PHF7: variants seen among roughly 807,000 people sequenced by gnomAD.
PHF7 encodes PHD finger protein 7.
In PHF7, 24 loss-of-function variants were observed where a neutral mutation model predicts 47.5. The observed-to-expected ratio is 0.51, with a 90% CI of 0.37 to 0.71. PHF7 has a LOEUF of 0.71. PHF7 is among the 30% of genes least tolerant of loss of function. The probability of loss-of-function intolerance (pLI) is 0.00; values close to 1 mark genes in which losing one functional copy is unlikely to be tolerated. For synonymous variants in PHF7, 156 were observed against 153.8 expected (o/e 1.01, Z -0.11); for missense variants, 361 against 456.8 (o/e 0.79, Z 1.91).
chr3:52,414,000 T>C lies in PHF7; in HGVS notation c.46T>C (p.Ser16Pro), dbSNP rs139713041. 8.1e-6 allele frequency: 13 copies of C among 1,604,914 alleles called. No homozygotes were observed. In the African/African-American group the frequency reaches 1.6e-4, roughly 20 times the overall value. The change falls in exon 3 of 11, where the codon TCT becomes CCT. Residue 16 changes from serine to proline, a missense_variant. Physicochemically the swap from Ser to Pro is moderately conservative, Grantham distance 74. Transcript: ENST00000327906. ...EKKECQRLRK[S>P]AKTRRVTQRK... is the part of the protein sequence containing the mutation. ...CTTCTTATTTCTCTTGTATAGAAAA[T>C]CTGCCAAGACTAGGAGGGTAACCCA...
chr3:52,422,380 T>A, intron 9 of PHF7, 42 bp downstream of exon 9: 1 of 1,229,146 alleles, frequency 8.1e-7, no homozygotes, highest in Non-Finnish European at 1.2e-6. Flanking sequence ...TCATCAGTGC[T>A]ATCTTAGAGT....
chr3:52,420,215 T>C (rs1416193651), intron 5 of PHF7, 96 bp from the exon 6 acceptor site: 2 of 1,369,682 alleles, frequency 1.5e-6, no homozygotes, highest in African/African-American at 2.9e-5. Context: ...GAATGGCTAT[T>C]ATTTCACAAA....
At chr3:52,422,599 G>A (rs1340532796) in intron 9 of PHF7, 161 bp from the exon 10 acceptor site, 6 of 776,348 alleles carry the variant, frequency 7.7e-6, no homozygotes, top group East Asian at 5.0e-5. Flanking sequence ...AAGGGGTTAC[G>A]ACTGATGGCA....
At position 52,421,684 on chromosome 3, in the gene PHF7, T is replaced by G; in HGVS notation, c.610T>G (p.Cys204Gly). ...CACATCAGCAAAGCATTTCTTCAAA[T>G]GTCCACAGTGTAACAATCGAAAAGA... is the stretch of plus-strand genomic sequence containing the variant. ...AHTSAKHFFKCPQCNNRKEFP... is the reference protein window; with the variant it reads ...AHTSAKHFFKGPQCNNRKEFP... Residue 204 changes from cysteine (C) to glycine (G), a missense_variant, in exon 8 of 11, where the codon TGT (cysteine) becomes GGT (glycine). Coordinates refer to ENST00000327906, the MANE Select transcript of PHF7 (RefSeq NM_016483.7). 6.2e-7 allele frequency: 1 copy of G among 1,608,582 alleles called. No individual in the cohort carries two copies.
intron 4 of PHF7, 68 bp from the exon 5 acceptor site, chr3:52,419,765 T>C (rs1705730725): frequency 2.2e-6 from 2 of 892,588 alleles, no homozygotes; most frequent in South Asian, 1.4e-5. Flanking sequence ...ACCCTGTCCT[T>C]CTCCTCACCT....
intron 1 of PHF7, among the ~76,000 whole-genome samples, chr3:52,412,258 C>T (rs1242474565): frequency 1.3e-5 from 2 of 151,952 alleles, no homozygotes; most frequent in African/African-American, 4.8e-5. Context: ...CCTCTTGTCT[C>T]TCACTAGAGG....
chr3:52,422,224 A>G lies in PHF7; in HGVS notation c.683A>G (p.Asp228Gly). Residue 228 changes from aspartate (D) to glycine (G), a missense_variant and splice_region_variant, in exon 9 of 11, where the codon GAT becomes GGT. By Grantham distance (94) the Asp-to-Gly change is moderately conservative. Coordinates refer to ENST00000327906, the MANE Select transcript of PHF7 (RefSeq NM_016483.7). ...CACTGTTTCTTCTCCCACTGCAGAG[A>G]TGCTGCCTGGGAACTCGAGCCAGGG... is the stretch of plus-strand genomic sequence containing the variant. ...LRMGIHIPDRDAAWELEPGAF... is the reference protein window; with the variant it reads ...LRMGIHIPDRGAAWELEPGAF... The G allele has an allele frequency of 6.2e-7, 1 of 1,602,590 alleles. No individual in the cohort carries two copies. Among genetic ancestry groups the G allele is most frequent in the African/African-American group, 1.3e-5 (1 of 74,800 alleles).
At position 52,417,194 on chromosome 3, in the gene PHF7, C is replaced by T. The variant is rs557272499; in HGVS notation, c.186+2607C>T. Among the ~76,000 whole-genome samples, 4 of 152,226 alleles carry T rather than the reference C, an allele frequency of 2.6e-5. No homozygotes were observed. The East Asian group carries it at 7.7e-4, about 29-fold the overall frequency. On this transcript the variant is annotated intron_variant, in intron 4 of 10. Transcript: ENST00000327906. ...CTATTCTTACACAAGTCCCCACTGT[C>T]TTGATTATTGTGGCTTTATAGTATA...
intron 4 of PHF7, among the ~76,000 whole-genome samples, chr3:52,416,666 C>T (rs1705635305): frequency 6.6e-6 from 1 of 151,152 alleles, no homozygotes; most frequent in South Asian, 2.1e-4. Flanking sequence ...AACCCTGTGT[C>T]TACTAAAAAT....
At chr3:52,423,040 C>A in intron 10 of PHF7, 51 bp from the exon 11 acceptor site, 1 of 1,498,270 alleles carries the variant, frequency 6.7e-7, no homozygotes, top group Non-Finnish European at 9.3e-7. Flanking sequence ...AGGACCTGTG[C>A]CTGGGAGAAG....
Position 52,413,996 on chromosome 3 carries a change from A to G in PHF7, c.42A>G (p.Arg14=), listed in dbSNP as rs1451838231. The part of the protein sequence containing the change: ...VKEKKECQRL[R]KSAKTRRVTQ... Reference sequence around the variant, plus strand: ...TGTGCTTCTTATTTCTCTTGTATAGAAAATCTGCCAAGACTAGGAGGGTAA... The same window carrying G: ...TGTGCTTCTTATTTCTCTTGTATAGGAAATCTGCCAAGACTAGGAGGGTAA... The change falls in exon 3 of 11, where the codon AGA becomes AGG. Residue 14 remains arginine (R), a splice_region_variant and synonymous_variant. Coordinates refer to ENST00000327906, the MANE Select transcript of PHF7 (RefSeq NM_016483.7). The G allele has an allele frequency of 6.2e-7, 1 of 1,601,872 alleles. No individual in the cohort carries two copies. Among genetic ancestry groups the G allele is most frequent in the Non-Finnish European group, 8.6e-7 (1 of 1,168,968 alleles).
Position 52,419,844 on chromosome 3 carries a change from T to G in PHF7, c.198T>G (p.Ser66Arg). The part of the protein sequence containing the change: ...SVHYFCLILS[S>R]KLPQRGQSNR... ...TACTGCCCCCGCAGATCTTATCTAG[T>G]AAGCTGCCTCAGAGGGGCCAGTCCA... The change falls in exon 5 of 11, where the codon AGT (serine) becomes AGG (arginine). Residue 66 changes from serine to arginine, a missense_variant. By Grantham distance (110) the Ser-to-Arg change is moderately radical (BLOSUM62 -1). Transcript: ENST00000327906. 1 of 1,596,982 alleles carries G rather than the reference T, an allele frequency of 6.3e-7. No individual in the cohort carries two copies. Among genetic ancestry groups the G allele is most frequent in the Non-Finnish European group, 8.6e-7 (1 of 1,167,742 alleles).
intron 4 of PHF7, among the ~76,000 whole-genome samples, chr3:52,415,175 C>T (rs1477073377): frequency 2.6e-5 from 4 of 152,036 alleles, no homozygotes; most frequent in Non-Finnish European, 2.9e-5. Flanking sequence ...TTAGGTATAA[C>T]TTTCATACTG....
In PHF7 at chr3:52,412,820, C is replaced by A; in HGVS notation, c.-60C>A. 1.6e-6 allele frequency: 2 copies of A among 1,272,274 alleles called. No homozygotes were observed. The highest frequency in any genetic ancestry group is 2.3e-6 in the Non-Finnish European group (2 of 875,320). The allele number at this position is 1,272,274 out of a possible 1,614,324, so 78.8% of individuals were successfully genotyped here. ...CCATTTATATTTATAGCTGGAAGAG[C>A]CTGTATTGTCCTCACAATAGTATAG... On this transcript the variant is annotated 5_prime_UTR_variant, in exon 2 of 11. Transcript: ENST00000327906.
intron 2 of PHF7, among the ~76,000 whole-genome samples, chr3:52,413,400 A>C (rs756296853): frequency 5.9e-5 from 9 of 152,216 alleles, no homozygotes; most frequent in Non-Finnish European, 1.2e-4. Flanking sequence ...TTGGCAGAAG[A>C]AGCAGTAAAA....
Position 52,414,600 on chromosome 3 carries a change from C to T in PHF7, c.186+13C>T, listed in dbSNP as rs780834164. 1.4e-5 allele frequency: 21 copies of T among 1,510,690 alleles called. No individual in the cohort carries two copies. Among genetic ancestry groups the T allele is most frequent in the Non-Finnish European group, 1.7e-5 (18 of 1,087,718 alleles). The allele number at this position is 1,510,690 out of a possible 1,614,324, so 93.6% of individuals were successfully genotyped here. ...TTATTTCTGTCTTGTGAGTATGAGG[C>T]CTCCTTTGCTTTGAATATCCTATGG... On this transcript the variant is annotated intron_variant, in intron 4 of 10. Transcript: ENST00000327906.
intron 8 of PHF7, 171 bp downstream of exon 8, chr3:52,421,925 A>C: frequency 2.0e-6 from 1 of 491,662 alleles, no homozygotes. Flanking sequence ...AGGGGGAAGA[A>C]GTTTGCGGGG....
chr3:52,423,067 CCT>C, intron 10 of PHF7, 22 bp from the exon 11 acceptor site: 1 of 1,555,498 alleles, frequency 6.4e-7, no homozygotes, highest in Non-Finnish European at 8.9e-7. Context: ...CTTGAGTTTT[CCT>C]CTCCTGCCTT....
intron 2 of PHF7, 74 bp downstream of exon 2, chr3:52,412,994 C>T: frequency 1.7e-6 from 2 of 1,158,816 alleles, no homozygotes; most frequent in Non-Finnish European, 2.6e-6. Context: ...CTTTTTGCCC[C>T]CTTTGTCGTA....
Sources: gnomAD v4.1 joint callset for allele counts (sites outside exome capture counted in the v4.1 genomes callset) on GRCh38, gnomAD v4.1.1 for gene constraint, MANE v1.5 for transcripts, NCBI Gene and HGNC (gene_info 2026-07-23, HGNC 2026-07-21) for gene names.